P2RX6: variants seen among roughly 807,000 people sequenced by gnomAD.
The protein encoded by P2RX6 is purinergic receptor P2X 6.
Under a neutral mutation model 54.2 loss-of-function variants are expected in P2RX6, and 62 were observed. That is an observed-to-expected ratio of 1.14 (90% CI 0.93 to 1.41). P2RX6 has a LOEUF of 1.41. Among genes scored for constraint, P2RX6 ranks in the 40% most tolerant of loss-of-function variants. The pLI is 0.00. For synonymous variants in P2RX6, 211 were observed against 231.9 expected (o/e 0.91, Z 0.82); for missense variants, 541 against 566.3 (o/e 0.96, Z 0.45).
Position 21,026,013 on chromosome 22 carries a change from AG to A in P2RX6, c.990del (p.Lys331SerfsTer148). On this transcript the variant is annotated frameshift_variant, in exon 10 of 12. Transcript: ENST00000413302. LOFTEE classifies it high-confidence loss of function. This position sits in a 1 kb window ranked among gnomAD's most constrained non-coding sequence, Gnocchi z 4.0. ...RFDILVTGQA[G>X]KFGLIPTAVT... ...GGTTCAGCTCAGATCTCTCTCAGGC[AG>A]GGAAGTTCGGGCTCATCCCCACGGC... 6.2e-7 allele frequency: 1 copy of A among 1,610,910 alleles called. No homozygotes were observed. The highest frequency in any genetic ancestry group is 8.5e-7 in the Non-Finnish European group (1 of 1,178,772).
At chr22:21,024,325 T>C (rs1302116473) in intron 8 of P2RX6, among the ~76,000 whole-genome samples, 1 of 151,730 alleles carries the variant, frequency 6.6e-6, no homozygotes, top group Non-Finnish European at 1.5e-5. Flanking sequence ...TCGCCCAGGC[T>C]GGAGTACAGT....
chr22:21,013,080 G>T, upstream of P2RX6: 1 of 161,200 alleles, frequency 6.2e-6, no homozygotes, highest in South Asian at 1.7e-4. Context: ...TTCAGCTCTG[G>T]GGCACTCCCT....
chr22:21,023,632 G>C lies in P2RX6; in HGVS notation c.890+14G>C, dbSNP rs375419863. On this transcript the variant is annotated intron_variant, in intron 8 of 11. Transcript: ENST00000413302. ...CTACAACTTCAGGTGAGGCCCCACT[G>C]CTCCCAGTGCCCAGCTGCTGGGCCC... 6.4e-7 allele frequency: 1 copy of C among 1,554,284 alleles called. No individual in the cohort carries two copies.
chr22:21,009,992 G>A (rs775365734), intron 1 of P2RX6: 3 of 152,294 alleles, frequency 2.0e-5, no homozygotes, highest in Non-Finnish European at 2.9e-5. Context: ...CTCAAGGGCA[G>A]GAAGATTCTT....
chr22:21,024,688 TG>T (rs1928081894), intron 8 of P2RX6, among the ~76,000 whole-genome samples: 1 of 151,996 alleles, frequency 6.6e-6, no homozygotes, highest in Admixed American at 6.6e-5. Context: ...TTCCAGCCTC[TG>T]CCTCCAGAGT....
At position 21,025,853 on chromosome 22, in the gene P2RX6, G is replaced by C; in HGVS notation, c.939G>C (p.Leu313=). The part of the protein sequence containing the change: ...WEQPGVEART[L]LKLYGIRFDI... Reference sequence around the variant, plus strand: ...AACCGGGTGTGGAGGCCCGCACCCTGCTCAAGCTCTATGGAATCCGCTTCG... The same window carrying C: ...AACCGGGTGTGGAGGCCCGCACCCTCCTCAAGCTCTATGGAATCCGCTTCG... Residue 313 remains leucine, a synonymous_variant, in exon 9 of 12, where the codon CTG becomes CTC. Coordinates refer to ENST00000413302, the MANE Select transcript of P2RX6 (RefSeq NM_005446.5). The C allele has an allele frequency of 6.4e-7, 1 of 1,571,444 alleles. No individual in the cohort carries two copies. Among genetic ancestry groups the C allele is most frequent in the East Asian group, 2.4e-5 (1 of 42,314 alleles).
chr22:21,025,764 T>A, intron 8 of P2RX6, 41 bp from the exon 9 acceptor site: 1 of 1,484,510 alleles, frequency 6.7e-7, no homozygotes, highest in Non-Finnish European at 9.2e-7. Context: ...CACCTGGGGG[T>A]GGGCAAAGCA....
At chr22:21,018,185 G>A in intron 3 of P2RX6, 125 bp downstream of exon 3, 1 of 704,540 alleles carries the variant, frequency 1.4e-6, no homozygotes, top group Non-Finnish European at 2.6e-6. Context: ...TGTCCCCCAG[G>A]CACTGGGCTA....
chr22:21,011,728 A>G, upstream of P2RX6: 1 of 588,938 alleles, frequency 1.7e-6, no homozygotes, highest in Non-Finnish European at 3.0e-6. Context: ...CTGGGGTTGC[A>G]TGGTGGCTCT....
rs749860996 is a variant in P2RX6 at position 21,022,938 on chromosome 22, C to G, written c.464-4C>G. 19 of 1,611,732 alleles carry G rather than the reference C, an allele frequency of 1.2e-5. No homozygotes were observed. Among genetic ancestry groups the G allele is most frequent in the African/African-American group, 5.3e-5 (4 of 74,892 alleles). On this transcript the variant is annotated splice_region_variant and splice_polypyrimidine_tract_variant and intron_variant, in intron 4 of 11. Transcript: ENST00000413302. ...AGGTCTGGAGTTCATCTTTTGTTTTCTAGGTGTAAAAACAGGCCAGTGTGT... is the reference window on the plus strand; with the variant it reads ...AGGTCTGGAGTTCATCTTTTGTTTTGTAGGTGTAAAAACAGGCCAGTGTGT...
intron 3 of P2RX6, 172 bp downstream of exon 3, chr22:21,018,232 A>C: frequency 1.6e-6 from 1 of 618,342 alleles, no homozygotes; most frequent in Non-Finnish European, 3.0e-6. Flanking sequence ...GTCTTCACAT[A>C]TCCCCTGCCT....
chr22:21,025,849 C>G lies in P2RX6; in HGVS notation c.935C>G (p.Thr312Ser). Reference protein sequence around the residue: ...WWEQPGVEARTLLKLYGIRFD... With the variant: ...WWEQPGVEARSLLKLYGIRFD... ...GAGCAACCGGGTGTGGAGGCCCGCA[C>G]CCTGCTCAAGCTCTATGGAATCCGC... Residue 312 changes from threonine (T) to serine (S), a missense_variant, in exon 9 of 12, where the codon ACC becomes AGC. Physicochemically the swap from Thr to Ser is moderately conservative, Grantham distance 58 (BLOSUM62 1). Transcript: ENST00000413302. 1.9e-6 allele frequency: 3 copies of G among 1,570,372 alleles called. No individual in the cohort carries two copies. Among genetic ancestry groups the G allele is most frequent in the Non-Finnish European group, 2.6e-6 (3 of 1,158,222 alleles).
chr22:21,015,318 G>A lies in P2RX6; in HGVS notation c.144G>A (p.Gly48=). The A allele has an allele frequency of 6.4e-7, 1 of 1,564,832 alleles. No homozygotes were observed. The highest frequency in any genetic ancestry group is 8.6e-7 in the Non-Finnish European group (1 of 1,161,996). Residue 48 remains glycine, a synonymous_variant, in exon 1 of 12, where the codon GGG becomes GGA. Transcript: ENST00000413302. ...CCCTGCAGAGGCTGCTGCAGTTTGG[G>A]ATCGTGGTCTATGTGGTAGGGTAAG... The part of the protein sequence containing the change: ...VGALQRLLQF[G]IVVYVVGWAL...
chr22:21,023,090 G>A (rs1372628220), intron 5 of P2RX6, 28 bp from the exon 6 acceptor site: 2 of 1,613,246 alleles, frequency 1.2e-6, no homozygotes, highest in East Asian at 2.2e-5. Context: ...AGGCCTGGCA[G>A]AGGCTGTCAC....
intron 3 of P2RX6, among the ~76,000 whole-genome samples, chr22:21,020,212 G>C (rs59123904): frequency 0.29 from 43,632 of 152,162 alleles, 6,307 homozygotes; most frequent in East Asian, 0.41. Context: ...GTGTTTTTCA[G>C]AATCTGTGCA....
At position 21,026,540 on chromosome 22, in the gene P2RX6, G is replaced by T. The variant is rs764011819; in HGVS notation, c.1249G>T (p.Gly417Trp). The change falls in exon 12 of 12, where the codon GGG becomes TGG. Residue 417 changes from glycine (G) to tryptophan (W), a missense_variant. This residue lies in a region of P2RX6 where 526 missense variants were observed against 531.5 expected (regional missense o/e 0.99). Transcript: ENST00000413302. The surrounding 1 kb of genome is among the most constrained non-coding windows in gnomAD (Gnocchi z 4.0). ...ACCTGCACCCACGGCCACTGCTGCT[G>T]GGAGTCAGACACAGACACCAGGATG... ...SAPAPTATAA[G>W]SQTQTPGWPC... 1.9e-6 allele frequency: 3 copies of T among 1,590,834 alleles called. No homozygotes were observed. The highest frequency in any genetic ancestry group is 2.6e-6 in the Non-Finnish European group (3 of 1,169,574).
At chr22:21,021,405 C>T (rs953994806) in intron 3 of P2RX6, among the ~76,000 whole-genome samples, 8 of 152,110 alleles carry the variant, frequency 5.3e-5, no homozygotes, top group African/African-American at 1.4e-4. Flanking sequence ...TATGGGAAGA[C>T]GTGGGGGCCC....
Position 21,015,237 on chromosome 22 carries a change from G to C in P2RX6, c.63G>C (p.Gly21=), listed in dbSNP as rs539179716. The part of the protein sequence containing the change: ...MGSPGATTGW[G]LLDYKTEKYV... ...CCCCAGGGGCTACGACAGGCTGGGG[G>C]CTTCTGGATTATAAGACGGAGAAGT... The change falls in exon 1 of 12, where the codon GGG becomes GGC. Residue 21 remains glycine (G), a synonymous_variant. Coordinates refer to ENST00000413302, the MANE Select transcript of P2RX6 (RefSeq NM_005446.5). 8.4e-6 allele frequency: 13 copies of C among 1,538,488 alleles called. No individual in the cohort carries two copies. The South Asian group carries it at 1.5e-4, about 18-fold the overall frequency.
chr22:21,018,975 GTTC>G (rs1371748477), intron 3 of P2RX6, among the ~76,000 whole-genome samples: 2 of 152,058 alleles, frequency 1.3e-5, no homozygotes, highest in African/African-American at 4.8e-5. Context: ...CCCCCACCTT[GTTC>G]TTCTTCATTT....
Sources: gnomAD v4.1 joint callset for allele counts (sites outside exome capture counted in the v4.1 genomes callset) on GRCh38, gnomAD v4.1.1 for gene constraint, gnomAD v4.1.1 regional missense constraint, Gnocchi (gnomAD v3.1) non-coding constraint, MANE v1.5 for transcripts, NCBI Gene and HGNC (gene_info 2026-07-23, HGNC 2026-07-21) for gene names.